AFG3L2: variants seen among roughly 807,000 people sequenced by gnomAD.
The protein encoded by AFG3L2 is AFG3 like matrix AAA peptidase subunit 2.
AFG3L2 carries 54 observed loss-of-function variants against 94.5 expected under a neutral mutation model. The observed-to-expected ratio is 0.57, with a 90% CI of 0.46 to 0.72. AFG3L2 has a LOEUF of 0.72. AFG3L2 is among the 30% of genes least tolerant of loss of function. The pLI, the probability that AFG3L2 is intolerant of heterozygous loss-of-function variation, is 0.00. For missense variants in AFG3L2, 754 were observed against 994.9 expected, an observed-to-expected ratio of 0.76 and a Z score of 3.26; for synonymous variants, 377 against 365.5, an observed-to-expected ratio of 1.03 and a Z score of -0.36.
At position 12,366,958 on chromosome 18, in the gene AFG3L2, T is replaced by C; in HGVS notation, c.552+7A>G. ...CACAACAGCCACCAATCCCATAAAA[T>C]ACTTACTACTCCTTTTGAAAGATAG... On this transcript the variant is annotated splice_region_variant and intron_variant, in intron 5 of 16. Transcript: ENST00000269143. 2 of 1,614,128 alleles carry C rather than the reference T, an allele frequency of 1.2e-6. No individual in the cohort carries two copies. Among genetic ancestry groups the C allele is most frequent in the Non-Finnish European group, 1.7e-6 (2 of 1,179,978 alleles).
chr18:12,377,001 C>A lies in AFG3L2; in HGVS notation c.82G>T (p.Val28Leu). 6.8e-7 allele frequency: 1 copy of A among 1,460,708 alleles called. No homozygotes were observed. The highest frequency in any genetic ancestry group is 9.0e-7 in the Non-Finnish European group (1 of 1,110,646). The allele number at this position is 1,460,708 out of a possible 1,614,324, so 90.5% of individuals were successfully genotyped here. A position where few individuals can be genotyped will look rare whatever the true frequency, so the allele number is the denominator to read the frequency against. The part of the protein sequence containing the change: ...GLQQLLVPGG[V>L]GPGEQPCLRT... Reference sequence around the variant, plus strand: ...AGGCAGGGCTGCTCGCCCGGGCCCACGCCGCCAGGCACGAGGAGCTGCTGT... The same window carrying A: ...AGGCAGGGCTGCTCGCCCGGGCCCAAGCCGCCAGGCACGAGGAGCTGCTGT... The change falls in exon 1 of 17, where the codon GTG becomes TTG. Residue 28 changes from valine (V) to leucine (L), a missense_variant. By Grantham distance (32) the Val-to-Leu change is conservative (BLOSUM62 1). Around this residue, in one of 4 missense-constraint regions of AFG3L2, gnomAD observed 236 missense variants for 214.0 expected, o/e 1.10. Coordinates refer to ENST00000269143, the MANE Select transcript of AFG3L2 (RefSeq NM_006796.3).
At chr18:12,336,243 T>C (rs73398069) in intron 16 of AFG3L2, among the ~76,000 whole-genome samples, 3,897 of 152,332 alleles carry the variant, frequency 0.026, 150 homozygotes, top group African/African-American at 0.089. Flanking sequence ...GAGGTCAGAT[T>C]TGCAACTTCC....
intron 9 of AFG3L2, among the ~76,000 whole-genome samples, chr18:12,354,062 T>G (rs1305531513): frequency 6.0e-5 from 9 of 149,806 alleles, no homozygotes; most frequent in Admixed American, 1.3e-4. Context: ...GAAGAGCCAC[T>G]CAGCACCTCA....
chr18:12,330,917 T>C (rs1407820999), intron 16 of AFG3L2, among the ~76,000 whole-genome samples: 1 of 152,110 alleles, frequency 6.6e-6, no homozygotes, highest in Non-Finnish European at 1.5e-5. Context: ...CTACCAATCA[T>C]AAACAGCCAA....
At chr18:12,366,464 G>A (rs1031208346) in intron 5 of AFG3L2, among the ~76,000 whole-genome samples, 1 of 152,132 alleles carries the variant, frequency 6.6e-6, no homozygotes, top group African/African-American at 2.4e-5. Context: ...GCACCCACTT[G>A]GCCCTCCCTT....
At position 12,351,291 on chromosome 18, in the gene AFG3L2, C is replaced by T. The variant is rs750575479; in HGVS notation, c.1426+15G>A. On this transcript the variant is annotated intron_variant, in intron 11 of 16. Transcript: ENST00000269143. ...CTCATGAGCACTGGACCTGCCCCAG[C>T]AAACATCATCTCACCAATAAAGATC... The T allele has an allele frequency of 5.0e-6, 8 of 1,614,016 alleles. No individual in the cohort carries two copies. Among genetic ancestry groups the T allele is most frequent in the Non-Finnish European group, 5.1e-6 (6 of 1,180,002 alleles).
intron 16 of AFG3L2, 129 bp downstream of exon 16, chr18:12,337,212 C>T (rs770695970): frequency 1.9e-5 from 16 of 833,430 alleles, no homozygotes; most frequent in South Asian, 5.5e-5. Context: ...AACATCAGAA[C>T]GAACGGACCC....
chr18:12,332,950 ATTATATAC>A (rs1598817815), intron 16 of AFG3L2, among the ~76,000 whole-genome samples: 2 of 120,734 alleles, frequency 1.7e-5, no homozygotes, highest in African/African-American at 3.1e-5. Flanking sequence ...CATATAATAT[ATTATATAC>A]TATAATATAT....
At chr18:12,331,328 C>T (rs775838629) in intron 16 of AFG3L2, among the ~76,000 whole-genome samples, 1 of 152,184 alleles carries the variant, frequency 6.6e-6, no homozygotes, top group Non-Finnish European at 1.5e-5. Flanking sequence ...CATTAAGCAA[C>T]ACATGACTGC....
At chr18:12,334,710 G>A (rs889628750) in intron 16 of AFG3L2, among the ~76,000 whole-genome samples, 1 of 152,080 alleles carries the variant, frequency 6.6e-6, no homozygotes, top group African/African-American at 2.4e-5. Flanking sequence ...GTGCTGAGAT[G>A]CCCCCACTGC....
chr18:12,355,220 AAAAG>A (rs991972251), intron 9 of AFG3L2, among the ~76,000 whole-genome samples: 3 of 152,040 alleles, frequency 2.0e-5, no homozygotes, highest in African/African-American at 7.2e-5. Context: ...AAAAAAAAAA[AAAAG>A]AACTCTTACA....
intron 13 of AFG3L2, among the ~76,000 whole-genome samples, chr18:12,347,412 A>G (rs905550800): frequency 1.3e-5 from 2 of 152,202 alleles, no homozygotes; most frequent in African/African-American, 4.8e-5. Context: ...AAGTTCTTGA[A>G]TTGCTACTTG....
intron 10 of AFG3L2, 24 bp downstream of exon 10, chr18:12,352,981 G>T (rs377431550): frequency 6.2e-7 from 1 of 1,611,276 alleles, no homozygotes. Flanking sequence ...TGCAGTTAAA[G>T]ATACAAAAGC....
intron 14 of AFG3L2, 29 bp downstream of exon 14, chr18:12,344,103 G>T: frequency 6.4e-7 from 1 of 1,574,010 alleles, no homozygotes; most frequent in Non-Finnish European, 8.7e-7. Flanking sequence ...CCCATGCACT[G>T]GCTGCCTAGT....
At chr18:12,351,039 G>T in intron 12 of AFG3L2, 46 bp downstream of exon 12, 1 of 1,610,082 alleles carries the variant, frequency 6.2e-7, no homozygotes, top group South Asian at 1.1e-5. Context: ...AACTGTTACT[G>T]ATTTTAATAT....
At chr18:12,338,612 TAC>T (rs1437816310) in intron 15 of AFG3L2, among the ~76,000 whole-genome samples, 4 of 152,216 alleles carry the variant, frequency 2.6e-5, no homozygotes, top group Admixed American at 6.5e-5. Context: ...ATTTCATGAA[TAC>T]AGTCAGAAAA....
At chr18:12,344,310 G>A in intron 13 of AFG3L2, 63 bp from the exon 14 acceptor site, 1 of 1,313,392 alleles carries the variant, frequency 7.6e-7, no homozygotes. Context: ...TTAAAAGACA[G>A]TTATACAGTG....
chr18:12,340,644 G>T (rs1400000127), intron 14 of AFG3L2, among the ~76,000 whole-genome samples: 1 of 152,160 alleles, frequency 6.6e-6, no homozygotes, highest in Non-Finnish European at 1.5e-5. Context: ...CACCCAGGCT[G>T]GAGTGCAGTG....
In AFG3L2 at chr18:12,377,184, G is replaced by C. The variant is rs1333968626; in HGVS notation, c.-102C>G. ...GGCTCGGCTCGGGGAAAGGCCGCCA[G>C]GCAGCGAAGCGCGCCGGCGGCTCAC... is the stretch of plus-strand genomic sequence containing the variant. On this transcript the variant is annotated 5_prime_UTR_variant, in exon 1 of 17. Transcript: ENST00000269143. 1.1e-6 allele frequency: 1 copy of C among 932,252 alleles called. No homozygotes were observed. The highest frequency in any genetic ancestry group is 1.5e-5 in the South Asian group (1 of 64,736). 57.7% of individuals were successfully genotyped at this position (932,252 alleles called of 1,614,324 possible). A position where few individuals can be genotyped will look rare whatever the true frequency, so the allele number is the denominator to read the frequency against.
Sources: gnomAD v4.1 joint callset for allele counts (sites outside exome capture counted in the v4.1 genomes callset) on GRCh38, gnomAD v4.1.1 for gene constraint, gnomAD v4.1.1 regional missense constraint, MANE v1.5 for transcripts, NCBI Gene and HGNC (gene_info 2026-07-23, HGNC 2026-07-21) for gene names.